The following ERMARD variants were observed in gnomAD, a reference collection of about 807,000 sequenced individuals.
ERMARD encodes endoplasmic reticulum membrane-associated RNA degradation protein.
ERMARD carries 71 observed loss-of-function variants against 83.9 expected under a neutral mutation model. The ratio of observed to expected loss-of-function variants is 0.85; its 90% CI spans 0.70 to 1.03. ERMARD has a LOEUF of 1.03. ERMARD is among the 50% of genes least tolerant of loss of function. The pLI, the probability that ERMARD is intolerant of heterozygous loss-of-function variation, is 0.00. For synonymous variants in ERMARD, 284 were observed against 298.6 expected (o/e 0.95, Z 0.50); for missense variants, 838 against 810.9 (o/e 1.03, Z -0.41).
At position 169,759,533 on chromosome 6, in the gene ERMARD, A is replaced by G. The variant is rs376660871; in HGVS notation, c.606-305A>G. On this transcript the variant is annotated intron_variant, in intron 6 of 17. Transcript: ENST00000366773. ...CTCCCAGGCTTAAGTGATCCTCCCGACTCAGCCTCCTGAGTAGCTGGGACT... is the reference window on the plus strand; with the variant it reads ...CTCCCAGGCTTAAGTGATCCTCCCGGCTCAGCCTCCTGAGTAGCTGGGACT... 3.3e-3 allele frequency among the ~76,000 whole-genome samples: 502 copies of G among 151,958 alleles called. 1 individual carries two copies. Among genetic ancestry groups the G allele is most frequent in the African/African-American group, 0.011 (470 of 41,426 alleles).
chr6:169,764,403 A>G (rs1301804566), intron 9 of ERMARD, among the ~76,000 whole-genome samples: 1 of 151,540 alleles, frequency 6.6e-6, no homozygotes. Flanking sequence ...AACTGGGACC[A>G]TAGATGTGTG....
Position 169,776,752 on chromosome 6 carries a change from C to A in ERMARD, c.1739+79C>A, listed in dbSNP as rs1246685833. 8 of 1,477,928 alleles carry A rather than the reference C, an allele frequency of 5.4e-6. No individual in the cohort carries two copies. In the African/African-American group the frequency reaches 5.6e-5, roughly 10 times the overall value. 91.6% of individuals were successfully genotyped at this position (1,477,928 alleles called of 1,614,324 possible). On this transcript the variant is annotated intron_variant, in intron 16 of 17. Coordinates refer to ENST00000366773, the MANE Select transcript of ERMARD (RefSeq NM_018341.3). ...CAGATGCAGTTCTAGTCCTCACTTC[C>A]AGACACACACAGTAGCCCCTCACTG...
rs189578473 is a variant in ERMARD, at chr6:169,776,652, A to G, written c.1718A>G (p.Asn573Ser). 24 of 1,613,964 alleles carry G rather than the reference A, an allele frequency of 1.5e-5. 1 individual carries two copies. Among genetic ancestry groups the G allele is most frequent in the Middle Eastern group, 3.4e-4 (2 of 5,868 alleles). ...ERTLRSRQRQ[N>S]YLRMWSSIRL... Reference sequence around the variant, plus strand: ...ACGCTGCGGTCTCGCCAGCGGCAGAACTACCTGCGTATGTGGAGTAGGTGC... The same window carrying G: ...ACGCTGCGGTCTCGCCAGCGGCAGAGCTACCTGCGTATGTGGAGTAGGTGC... Residue 573 changes from asparagine to serine, a missense_variant, in exon 16 of 18, where the codon AAC (asparagine) becomes AGC (serine). By Grantham distance (46) the Asn-to-Ser change is conservative (BLOSUM62 1). Transcript: ENST00000366773.
At position 169,763,530 on chromosome 6, in the gene ERMARD, G is replaced by C. The variant is rs148932592; in HGVS notation, c.960+999G>C. On this transcript the variant is annotated intron_variant, in intron 9 of 17. Coordinates refer to ENST00000366773, the MANE Select transcript of ERMARD (RefSeq NM_018341.3). ...CCAGGGAGGCATGGAAGCGTTCCTG[G>C]ATGGCCAAGTGCCCAGCTTCCCACG... Among the ~76,000 whole-genome samples, 3 of 152,378 alleles carry C rather than the reference G, an allele frequency of 2.0e-5. No individual in the cohort carries two copies. The East Asian group carries it at 5.8e-4, about 29-fold the overall frequency.
chr6:169,759,167 G>A (rs1791205494), intron 6 of ERMARD, 102 bp downstream of exon 6: 11 of 1,045,034 alleles, frequency 1.1e-5, no homozygotes, highest in Non-Finnish European at 1.6e-5. Context: ...TGAAAGATAA[G>A]TGAGTTTTGA....
Position 169,776,608 on chromosome 6 carries a change from C to A in ERMARD, c.1674C>A (p.His558Gln). The A allele has an allele frequency of 6.2e-7, 1 of 1,614,244 alleles. No individual in the cohort carries two copies. Among genetic ancestry groups the A allele is most frequent in the Non-Finnish European group, 8.5e-7 (1 of 1,180,052 alleles). The change falls in exon 16 of 18, where the codon CAC (histidine) becomes CAA (glutamine). Residue 558 changes from histidine to glutamine, a missense_variant. Coordinates refer to ENST00000366773, the MANE Select transcript of ERMARD (RefSeq NM_018341.3). ...SQVTVASELR[H>Q]RQWVERTLRS... ...TCACCGTTGCCTCAGAGCTGAGACA[C>A]AGGCAGTGGGTGGAAAGGACGCTGC...
chr6:169,751,620 G>C (rs779389146), upstream of ERMARD: 2 of 1,580,370 alleles, frequency 1.3e-6, no homozygotes, highest in Admixed American at 3.7e-5. Flanking sequence ...GCAGGCGCCT[G>C]CGTCATTCAC....
intron 16 of ERMARD, 73 bp downstream of exon 16, chr6:169,776,746 C>T (rs1793654239): frequency 2.6e-6 from 4 of 1,520,018 alleles, no homozygotes; most frequent in Admixed American, 1.8e-5. Context: ...TTCTAGTCCT[C>T]ACTTCCAGAC....
In ERMARD at chr6:169,755,403, A is replaced by G; in HGVS notation, c.296A>G (p.Gln99Arg). The change falls in exon 3 of 18, where the codon CAG (glutamine) becomes CGG (arginine). Residue 99 changes from glutamine to arginine, a missense_variant. Coordinates refer to ENST00000366773, the MANE Select transcript of ERMARD (RefSeq NM_018341.3). ...GAAATTCGATATGCACCGTGGTTCC[A>G]GTGGACAAGTTTTCCAGAGGTTTGG... ...QFEIRYAPWF[Q>R]WTSFPELFPE... The G allele has an allele frequency of 1.2e-6, 2 of 1,614,156 alleles. No homozygotes were observed. Among genetic ancestry groups the G allele is most frequent in the Non-Finnish European group, 1.7e-6 (2 of 1,180,026 alleles).
chr6:169,762,673 T>C (rs1791703152), intron 9 of ERMARD, 142 bp downstream of exon 9: 1 of 635,160 alleles, frequency 1.6e-6, no homozygotes, highest in Non-Finnish European at 2.7e-6. Context: ...AGGCCTATCA[T>C]TTCTATAGGA....
intron 7 of ERMARD, 120 bp downstream of exon 7, chr6:169,760,094 A>G: frequency 2.0e-6 from 3 of 1,512,274 alleles, no homozygotes; most frequent in Non-Finnish European, 2.6e-6. Context: ...CAGTAGTCGG[A>G]TGGCTTTCAG....
rs750516456 is a variant in ERMARD, at chr6:169,775,944, G to A, written c.1399G>A (p.Glu467Lys). ...EELTRQAVRL[E>K]DNSETNACHS... ...TAAATATTTTCTGTTTTTCAGATTA[G>A]AAGATAATTCTGAAACAAATGCCTG... The change falls in exon 15 of 18, where the codon GAA (glutamate) becomes AAA (lysine). Residue 467 changes from glutamate (E) to lysine (K), a missense_variant. Glu to Lys is a moderately conservative substitution (Grantham distance 56). Transcript: ENST00000366773. The A allele has an allele frequency of 2.5e-6, 4 of 1,613,994 alleles. No individual in the cohort carries two copies. The highest frequency in any genetic ancestry group is 3.4e-6 in the Non-Finnish European group (4 of 1,180,002).
At chr6:169,760,568 A>G in intron 7 of ERMARD, 74 bp from the exon 8 acceptor site, 2 of 1,088,532 alleles carry the variant, frequency 1.8e-6, no homozygotes, top group Non-Finnish European at 2.7e-6. Flanking sequence ...CATTGGCATC[A>G]CTCCCCCAGC....
At position 169,759,308 on chromosome 6, in the gene ERMARD, G is replaced by A. The variant is rs143031348; in HGVS notation, c.605+243G>A. On this transcript the variant is annotated intron_variant, in intron 6 of 17. Coordinates refer to ENST00000366773, the MANE Select transcript of ERMARD (RefSeq NM_018341.3). ...ACCAGAAGGATGTTATGCCATTCAC[G>A]TCCTGGGTGGGTGGGAGACCCTGAG... Among the ~76,000 whole-genome samples the A allele has an allele frequency of 4.2e-4, 64 of 152,256 alleles. 1 individual carries two copies. The highest frequency in any genetic ancestry group is 1.5e-3 in the African/African-American group (61 of 41,552).
In ERMARD at chr6:169,755,407, G is replaced by C; in HGVS notation, c.300G>C (p.Trp100Cys). 6.2e-7 allele frequency: 1 copy of C among 1,614,072 alleles called. No individual in the cohort carries two copies. Among genetic ancestry groups the C allele is most frequent in the Non-Finnish European group, 8.5e-7 (1 of 1,180,012 alleles). Residue 100 changes from tryptophan (W) to cysteine (C), a missense_variant, in exon 3 of 18, where the codon TGG becomes TGC. Trp to Cys is a radical substitution (Grantham distance 215). Coordinates refer to ENST00000366773, the MANE Select transcript of ERMARD (RefSeq NM_018341.3). Reference sequence around the variant, plus strand: ...TTCGATATGCACCGTGGTTCCAGTGGACAAGTTTTCCAGAGGTTTGGCTTT... The same window carrying C: ...TTCGATATGCACCGTGGTTCCAGTGCACAAGTTTTCCAGAGGTTTGGCTTT... ...FEIRYAPWFQ[W>C]TSFPELFPEI...
chr6:169,779,370 TTG>T, intron 17 of ERMARD, 75 bp downstream of exon 17: 1 of 1,316,142 alleles, frequency 7.6e-7, no homozygotes, highest in Non-Finnish European at 1.1e-6. Flanking sequence ...AGGAGTGAGA[TTG>T]GGGCAGTGTG....
rs1028624412 is a variant in ERMARD at position 169,775,798 on chromosome 6, G to A, written c.1395-142G>A. The A allele has an allele frequency of 4.5e-6, 5 of 1,102,064 alleles. No individual in the cohort carries two copies. In the East Asian group the frequency reaches 1.0e-4, roughly 23 times the overall value. The allele number at this position is 1,102,064 out of a possible 1,614,324, so 68.3% of individuals were successfully genotyped here. A position where few individuals can be genotyped will look rare whatever the true frequency, so the allele number is the denominator to read the frequency against. ...TTTGTTTCTCCACTGTATTGTCATG[G>A]TGGCTTTTTCCATTTTATATTTGAG... is the stretch of plus-strand genomic sequence containing the variant. On this transcript the variant is annotated intron_variant, in intron 14 of 17. Transcript: ENST00000366773.
chr6:169,775,000 G>GCA (rs1793412761), intron 13 of ERMARD, among the ~76,000 whole-genome samples: 1 of 152,026 alleles, frequency 6.6e-6, no homozygotes, highest in African/African-American at 2.4e-5. Flanking sequence ...TTTGGTGGGG[G>GCA]CCTCCCTCTC....
rs1792249505 is a variant in ERMARD, at chr6:169,766,649, T to C, written c.972T>C (p.Leu324=). 6.3e-7 allele frequency: 1 copy of C among 1,581,374 alleles called. No individual in the cohort carries two copies. The highest frequency in any genetic ancestry group is 8.5e-7 in the Non-Finnish European group (1 of 1,171,788). The part of the protein sequence containing the change: ...KRLLTAESTA[L]YTTFDQILAK... ...TTCCTTTTCTGAAGTCAACAGCTCT[T>C]TATACCACCTTTGATCAAGTAAGTA... The change falls in exon 10 of 18, where the codon CTT becomes CTC. Residue 324 remains leucine (L), a synonymous_variant. Coordinates refer to ENST00000366773, the MANE Select transcript of ERMARD (RefSeq NM_018341.3).
Sources: gnomAD v4.1 joint callset for allele counts (sites outside exome capture counted in the v4.1 genomes callset) on GRCh38, gnomAD v4.1.1 for gene constraint, MANE v1.5 for transcripts, NCBI Gene and HGNC (gene_info 2026-07-23, HGNC 2026-07-21) for gene names.